APPL1: variants seen among roughly 807,000 people sequenced by gnomAD.
APPL1 encodes DCC-interacting protein 13-alpha.
Under a neutral mutation model 106.8 loss-of-function variants are expected in APPL1, and 42 were observed. The observed-to-expected ratio is 0.39, with a 90% CI of 0.31 to 0.51. The LOEUF (loss-of-function observed/expected upper bound fraction) is 0.51, where lower values mean the gene tolerates loss of function less well. Among genes scored for constraint, APPL1 ranks in the 20% least tolerant of loss-of-function variants. APPL1 has a pLI of 0.75. For missense variants in APPL1, 769 were observed against 858.2 expected, an observed-to-expected ratio of 0.90 and a Z score of 1.30; for synonymous variants, 263 against 281.8, an observed-to-expected ratio of 0.93 and a Z score of 0.67.
At position 57,228,585 on chromosome 3, in the gene APPL1, C is replaced by T. The variant is rs1229408476; in HGVS notation, c.54+648C>T. ...CGACTGCTGCGCTGCTCCCTGCAGA[C>T]TTGGCCTTAATAAACTCATCAAAAT... is the stretch of plus-strand genomic sequence containing the variant. On this transcript the variant is annotated intron_variant, in intron 1 of 21. Coordinates refer to ENST00000288266, the MANE Select transcript of APPL1 (RefSeq NM_012096.3). This position sits in a 1 kb window ranked among gnomAD's most constrained non-coding sequence, Gnocchi z 4.6. Among the ~76,000 whole-genome samples, 2 of 152,242 alleles carry T rather than the reference C, an allele frequency of 1.3e-5. No homozygotes were observed. Among genetic ancestry groups the T allele is most frequent in the Non-Finnish European group, 2.9e-5 (2 of 68,044 alleles).
intron 8 of APPL1, among the ~76,000 whole-genome samples, chr3:57,246,484 A>G (rs1453934481): frequency 6.6e-6 from 1 of 152,232 alleles, no homozygotes; most frequent in Non-Finnish European, 1.5e-5. Flanking sequence ...AGAGAACTAA[A>G]TGAATTTCAG....
In APPL1 at chr3:57,269,708, T is replaced by C. The variant is rs2060922694; in HGVS notation, c.*21T>C. The stretch of plus-strand genomic sequence containing the variant: ...CATAAGCTTATACTTTTGGTAGATA[T>C]TCCCCCTTGGAATTTGACAGTTTCT... On this transcript the variant is annotated 3_prime_UTR_variant, in exon 22 of 22. Transcript: ENST00000288266. 2 of 1,611,904 alleles carry C rather than the reference T, an allele frequency of 1.2e-6. No individual in the cohort carries two copies. Among genetic ancestry groups the C allele is most frequent in the Non-Finnish European group, 1.7e-6 (2 of 1,178,624 alleles).
chr3:57,268,392 C>G lies in APPL1; in HGVS notation c.1894-6C>G, dbSNP rs769603396. 4.5e-6 allele frequency: 7 copies of G among 1,549,218 alleles called. No homozygotes were observed. Among genetic ancestry groups the G allele is most frequent in the Non-Finnish European group, 3.5e-6 (4 of 1,135,112 alleles). On this transcript the variant is annotated splice_region_variant and splice_polypyrimidine_tract_variant and intron_variant, in intron 20 of 21. Coordinates refer to ENST00000288266, the MANE Select transcript of APPL1 (RefSeq NM_012096.3). ...AATTCATTAGTTTTATTCATCTGTT[C>G]TTTAGGATCGTAGGGCATCAGAAAA...
Position 57,269,972 on chromosome 3 carries a change from G to A in APPL1, c.*285G>A, listed in dbSNP as rs928603819. On this transcript the variant is annotated 3_prime_UTR_variant, in exon 22 of 22. Transcript: ENST00000288266. ...TTACATTTGCTCAAGAATTTTTTCC[G>A]TCAAATTGTGAACTTTTAATTCTTG... is the stretch of plus-strand genomic sequence containing the variant. The A allele has an allele frequency of 5.5e-5, 12 of 218,502 alleles. No homozygotes were observed. The highest frequency in any genetic ancestry group is 3.1e-4 in the South Asian group (2 of 6,402). 13.5% of individuals were successfully genotyped at this position (218,502 alleles called of 1,614,324 possible).
chr3:57,246,153 A>G lies in APPL1; in HGVS notation c.552A>G (p.Ala184=). 3 of 1,612,734 alleles carry G rather than the reference A, an allele frequency of 1.9e-6. No homozygotes were observed. The highest frequency in any genetic ancestry group is 2.5e-6 in the Non-Finnish European group (3 of 1,179,240). The stretch of plus-strand genomic sequence containing the variant: ...AGACCATGATGCATTATTTTTGTGC[A>G]TTAAATACTCTTCAGTACAAGAAGA... The part of the protein sequence containing the change: ...QHQTMMHYFC[A]LNTLQYKKKI... The change falls in exon 8 of 22, where the codon GCA becomes GCG. Residue 184 remains alanine, a synonymous_variant. Transcript: ENST00000288266.
chr3:57,252,401 T>A (rs2060809522), intron 12 of APPL1, 90 bp downstream of exon 12: 1 of 964,020 alleles, frequency 1.0e-6, no homozygotes. Flanking sequence ...TTGTAGAAAT[T>A]TTGGAAAATC....
chr3:57,269,747 A>T lies in APPL1; in HGVS notation c.*60A>T. 1 of 1,556,320 alleles carries T rather than the reference A, an allele frequency of 6.4e-7. No homozygotes were observed. Among genetic ancestry groups the T allele is most frequent in the Non-Finnish European group, 8.8e-7 (1 of 1,131,568 alleles). ...TTGACAGTTTCTATGGTGAAATGGCAGAAGGTAACAACTATGTTGAAATAT... is the reference window on the plus strand; with the variant it reads ...TTGACAGTTTCTATGGTGAAATGGCTGAAGGTAACAACTATGTTGAAATAT... On this transcript the variant is annotated 3_prime_UTR_variant, in exon 22 of 22. Coordinates refer to ENST00000288266, the MANE Select transcript of APPL1 (RefSeq NM_012096.3).
intron 13 of APPL1, 88 bp downstream of exon 13, chr3:57,253,826 G>A: frequency 2.8e-6 from 3 of 1,061,520 alleles, no homozygotes; most frequent in Non-Finnish European, 2.5e-6. Flanking sequence ...AATTTCTCAG[G>A]TTCTGTAATT....
intron 19 of APPL1, among the ~76,000 whole-genome samples, chr3:57,265,827 G>A (rs2060891858): frequency 1.3e-5 from 2 of 152,158 alleles, no homozygotes; most frequent in African/African-American, 4.8e-5. Flanking sequence ...CTAGCTGTGA[G>A]TCTGTCATAT....
At chr3:57,243,231 G>A (rs1430828701) in intron 7 of APPL1, among the ~76,000 whole-genome samples, 4 of 152,044 alleles carry the variant, frequency 2.6e-5, no homozygotes, top group African/African-American at 9.7e-5. Flanking sequence ...GAATATATAG[G>A]TGTGTTCAAA....
At chr3:57,261,753 C>T (rs528396566) in intron 19 of APPL1, among the ~76,000 whole-genome samples, 37 of 152,216 alleles carry the variant, frequency 2.4e-4, no homozygotes, top group Admixed American at 2.3e-3. Context: ...CTCCTGACCT[C>T]GTGATCTGCC....
rs1052263483 is a variant in APPL1 at position 57,271,027 on chromosome 3, A to G, written c.*1340A>G. Reference sequence around the variant, plus strand: ...GTGTTTCACATGAAAAAGTATATATATACAAAGTTAATATAGTGGGTAAAA... The same window carrying G: ...GTGTTTCACATGAAAAAGTATATATGTACAAAGTTAATATAGTGGGTAAAA... On this transcript the variant is annotated 3_prime_UTR_variant, in exon 22 of 22. Coordinates refer to ENST00000288266, the MANE Select transcript of APPL1 (RefSeq NM_012096.3). The G allele has an allele frequency of 2.0e-5, 3 of 152,182 alleles. No homozygotes were observed. Among genetic ancestry groups the G allele is most frequent in the Admixed American group, 6.5e-5 (1 of 15,274 alleles). The allele number at this position is 152,182 out of a possible 1,614,324, so 9.4% of individuals were successfully genotyped here.
At chr3:57,266,549 T>G (rs2060895495) in intron 19 of APPL1, among the ~76,000 whole-genome samples, 1 of 152,230 alleles carries the variant, frequency 6.6e-6, no homozygotes. Flanking sequence ...TGTCACCTTT[T>G]TAATCTCCAA....
intron 4 of APPL1, among the ~76,000 whole-genome samples, chr3:57,239,630 A>G (rs765642465): frequency 6.6e-6 from 1 of 152,146 alleles, no homozygotes; most frequent in Non-Finnish European, 1.5e-5. Flanking sequence ...ATTCATATAC[A>G]AGATTGTTTT....
intron 5 of APPL1, among the ~76,000 whole-genome samples, chr3:57,241,607 G>A (rs1201800345): frequency 1.1e-4 from 16 of 152,130 alleles, no homozygotes; most frequent in Non-Finnish European, 4.4e-5. Flanking sequence ...ACTTTACTCA[G>A]TCACCAATAC....
intron 8 of APPL1, among the ~76,000 whole-genome samples, chr3:57,246,646 G>T (rs2060775313): frequency 6.6e-6 from 1 of 152,152 alleles, no homozygotes; most frequent in Non-Finnish European, 1.5e-5. Flanking sequence ...AGTACATCAG[G>T]AAGGGGGCTA....
chr3:57,257,732 T>A (rs1336822582), intron 15 of APPL1, among the ~76,000 whole-genome samples: 5 of 152,222 alleles, frequency 3.3e-5, no homozygotes, highest in Admixed American at 2.0e-4. Flanking sequence ...CTTTAGGTCA[T>A]GACAATTTTT....
rs1381370081 is a variant in APPL1, at chr3:57,251,547, ACT to A, written c.1053-721_1053-720del. Among the ~76,000 whole-genome samples, 4 of 151,340 alleles carry A rather than the reference ACT, an allele frequency of 2.6e-5. No individual in the cohort carries two copies. The East Asian group carries it at 5.8e-4, about 22-fold the overall frequency. ...CTCAAAAAAAAAAAAAAAAAAAGATACTATAGCTCACTATCCTTTATCAAAAT... is the reference window on the plus strand; with the variant it reads ...CTCAAAAAAAAAAAAAAAAAAAGATAATAGCTCACTATCCTTTATCAAAAT... On this transcript the variant is annotated intron_variant, in intron 11 of 21. Transcript: ENST00000288266.
Position 57,257,312 on chromosome 3 carries a change from G to T in APPL1, c.1314G>T (p.Leu438Phe). 8.1e-6 allele frequency: 13 copies of T among 1,613,984 alleles called. No individual in the cohort carries two copies. Among genetic ancestry groups the T allele is most frequent in the Non-Finnish European group, 1.1e-5 (13 of 1,179,992 alleles). The change falls in exon 15 of 22, where the codon TTG becomes TTT. Residue 438 changes from leucine to phenylalanine, a missense_variant. Coordinates refer to ENST00000288266, the MANE Select transcript of APPL1 (RefSeq NM_012096.3). ...CCTTAGGATCTGAGTCTACAAATTT[G>T]GCTGCCCTCTCTCTAGATTCTCTTG... ...SGSLGSESTNLAALSLDSLVA... is the reference protein window; with the variant it reads ...SGSLGSESTNFAALSLDSLVA...
Sources: allele counts gnomAD v4.1 joint callset (sites outside exome capture counted in the v4.1 genomes callset), GRCh38; gene constraint gnomAD v4.1.1; non-coding constraint Gnocchi (gnomAD v3.1); transcripts MANE v1.5; gene names NCBI Gene and HGNC (gene_info 2026-07-23, HGNC 2026-07-21).